Variants in ENTPD5 observed in about 807,000 individuals in gnomAD.
The protein encoded by ENTPD5 is ectonucleoside triphosphate diphosphohydrolase 5 (inactive).
A neutral mutation model predicts 60.2 loss-of-function variants in ENTPD5; 49 were observed. That is an observed-to-expected ratio of 0.81 (90% confidence interval 0.65 to 1.03). The LOEUF is 1.03. Among genes scored for constraint, ENTPD5 ranks in the 50% least tolerant of loss-of-function variants. The pLI is 0.00. For missense variants in ENTPD5, 480 were observed against 507.6 expected (o/e 0.95, Z 0.52); for synonymous variants, 187 against 185.4 (o/e 1.01, Z -0.07).
At chr14:73,981,161 ACT>A (rs759436227) in intron 6 of ENTPD5, among the ~76,000 whole-genome samples, 45 of 151,858 alleles carry the variant, frequency 3.0e-4, no homozygotes, top group Admixed American at 3.3e-4. Context: ...ATTTAACAAA[ACT>A]CTCTATACTT....
intron 3 of ENTPD5, among the ~76,000 whole-genome samples, chr14:74,006,306 C>T (rs1201884302): frequency 3.2e-5 from 4 of 124,856 alleles, no homozygotes; most frequent in Admixed American, 9.3e-5. Context: ...TTTTTTGAGA[C>T]GGAGTCTCGC....
At position 73,988,110 on chromosome 14, in the gene ENTPD5, C is replaced by A. The variant is rs2302117; in HGVS notation, c.-8G>T. 0.19 allele frequency: 305,628 copies of A among 1,603,766 alleles called. 31,161 individuals are homozygous for A. The highest frequency in any genetic ancestry group is 0.34 in the East Asian group (15,041 of 44,646). On this transcript the variant is annotated 5_prime_UTR_variant, in exon 4 of 16. Coordinates refer to ENST00000334696, the MANE Select transcript of ENTPD5 (RefSeq NM_001249.5). Reference sequence around the variant, plus strand: ...GCCCCAAGAAGTGGCCATTCTTTTCCCAAGATGTGGCTGGGTGGAGGCTTT... The same window carrying A: ...GCCCCAAGAAGTGGCCATTCTTTTCACAAGATGTGGCTGGGTGGAGGCTTT...
intron 6 of ENTPD5, 70 bp downstream of exon 6, chr14:73,982,948 G>C: frequency 1.3e-6 from 2 of 1,519,936 alleles, no homozygotes; most frequent in East Asian, 2.3e-5. Flanking sequence ...ATTCCAAAAG[G>C]CTAAAAACTC....
intron 3 of ENTPD5, among the ~76,000 whole-genome samples, chr14:74,001,382 G>A (rs908556652): frequency 9.9e-5 from 15 of 151,932 alleles, no homozygotes; most frequent in Admixed American, 2.6e-4. Context: ...GGTGCCTATA[G>A]TCCCAGCTAC....
At chr14:74,008,787 T>A (rs1198216123) in intron 3 of ENTPD5, 1 of 152,232 alleles carries the variant, frequency 6.6e-6, no homozygotes, top group Non-Finnish European at 1.5e-5. Flanking sequence ...TGCCTCAGCC[T>A]TCTGAGTAGC....
At chr14:73,962,746 G>C, downstream of ENTPD5, 1 of 561,800 alleles carries the variant, frequency 1.8e-6, no homozygotes, top group Non-Finnish European at 3.2e-6. Context: ...GAGCCTAGGA[G>C]TTTGAGGCTG....
chr14:73,988,265 C>T, intron 3 of ENTPD5, 93 bp from the exon 4 acceptor site: 2 of 1,199,736 alleles, frequency 1.7e-6, no homozygotes, highest in South Asian at 3.3e-5. Context: ...CAAGGTGTTC[C>T]TTCCCTATTC....
intron 1 of ENTPD5, among the ~76,000 whole-genome samples, chr14:74,017,608 G>A (rs1379989923): frequency 2.0e-5 from 3 of 151,582 alleles, no homozygotes; most frequent in African/African-American, 4.9e-5. Flanking sequence ...TTTACAGCCG[G>A]GGGCGGTGGC....
chr14:73,988,833 A>AT (rs1254219544), intron 3 of ENTPD5, among the ~76,000 whole-genome samples: 5 of 151,132 alleles, frequency 3.3e-5, no homozygotes, highest in Non-Finnish European at 7.4e-5. Context: ...TTTTTATTTT[A>AT]TTTTTTTTGA....
At chr14:73,958,868 A>G, downstream of ENTPD5, 2 of 1,556,572 alleles carry the variant, frequency 1.3e-6, no homozygotes, top group Admixed American at 1.9e-5. Flanking sequence ...TTATCCTGCC[A>G]CACAACAATC....
chr14:73,976,208 A>G, intron 9 of ENTPD5, 116 bp downstream of exon 9: 1 of 931,082 alleles, frequency 1.1e-6, no homozygotes, highest in Non-Finnish European at 1.7e-6. Flanking sequence ...TTATTAATTG[A>G]CTTGACTCTG....
chr14:73,995,725 A>G (rs955180506), intron 3 of ENTPD5, among the ~76,000 whole-genome samples: 1 of 151,960 alleles, frequency 6.6e-6, no homozygotes, highest in Admixed American at 6.6e-5. Context: ...CATTTATCCA[A>G]ATGTGTCAAG....
At chr14:73,986,552 C>A in intron 5 of ENTPD5, 1 of 381,542 alleles carries the variant, frequency 2.6e-6, no homozygotes, top group South Asian at 4.5e-5. Flanking sequence ...AAATTTTAAA[C>A]AGTAAGTACA....
At chr14:73,958,769 T>G, downstream of ENTPD5, 1 of 1,481,810 alleles carries the variant, frequency 6.7e-7, no homozygotes, top group Non-Finnish European at 8.9e-7. Flanking sequence ...TGTTCAGTCA[T>G]GTCCAGCTTT....
downstream of ENTPD5, chr14:73,959,608 G>A: frequency 6.2e-7 from 1 of 1,600,222 alleles, no homozygotes; most frequent in South Asian, 1.1e-5. Context: ...ACGGATCCTT[G>A]CCAGGCTGGA....
At chr14:73,962,506 C>T (rs557026247), downstream of ENTPD5, among the ~76,000 whole-genome samples, 1 of 151,726 alleles carries the variant, frequency 6.6e-6, no homozygotes, top group South Asian at 2.1e-4. Context: ...CTGCAGTGGG[C>T]TATGATCACA....
At chr14:73,993,926 A>AAC (rs2058239772) in intron 3 of ENTPD5, among the ~76,000 whole-genome samples, 1 of 76,784 alleles carries the variant, frequency 1.3e-5, no homozygotes, top group African/African-American at 4.3e-5. Flanking sequence ...AAAAACAAAC[A>AAC]AAAAAAAACA....
chr14:74,002,009 T>A (rs560121881), intron 3 of ENTPD5, among the ~76,000 whole-genome samples: 2 of 152,188 alleles, frequency 1.3e-5, no homozygotes, highest in East Asian at 1.9e-4. Context: ...TCTGAGATTT[T>A]AAAAAAATAG....
intron 9 of ENTPD5, 68 bp from the exon 10 acceptor site, chr14:73,976,083 C>T (rs2057433006): frequency 1.5e-6 from 2 of 1,297,628 alleles, no homozygotes; most frequent in Non-Finnish European, 2.2e-6. Flanking sequence ...CACACCACCA[C>T]CCGTCCCTCC....
Sources: allele counts gnomAD v4.1 joint callset (sites outside exome capture counted in the v4.1 genomes callset), GRCh38; gene constraint gnomAD v4.1.1; transcripts MANE v1.5; gene names NCBI Gene and HGNC (gene_info 2026-07-23, HGNC 2026-07-21).